MRPL1: variants seen among roughly 807,000 people sequenced by gnomAD.
The protein encoded by MRPL1 is mitochondrial ribosomal protein L1.
In MRPL1, 28 loss-of-function variants were observed where a neutral mutation model predicts 38.0. The ratio of observed to expected loss-of-function variants is 0.74; its 90% CI spans 0.55 to 1.01. The LOEUF (loss-of-function observed/expected upper bound fraction) is 1.01. Ranked by LOEUF, MRPL1 falls within the 50% of genes least tolerant of loss-of-function variation. MRPL1 has a pLI of 0.00. For missense variants in MRPL1, 358 were observed against 389.8 expected (o/e 0.92, Z 0.69); for synonymous variants, 123 against 126.7 (o/e 0.97, Z 0.20).
intron 7 of MRPL1, among the ~76,000 whole-genome samples, chr4:77,934,829 T>A (rs1736928615): frequency 1.3e-5 from 2 of 152,166 alleles, no homozygotes; most frequent in African/African-American, 4.8e-5. Flanking sequence ...ACACATGGAA[T>A]GCAATAGTAT....
intron 6 of MRPL1, among the ~76,000 whole-genome samples, chr4:77,895,055 AG>A (rs1359469257): frequency 3.1e-4 from 47 of 152,154 alleles, no homozygotes; most frequent in Admixed American, 3.0e-3. Flanking sequence ...GATGTTGGAA[AG>A]GTAGATTGAT....
rs1458208422 is a variant in MRPL1, at chr4:77,949,850, A to C, written c.831A>C (p.Glu277Asp). Residue 277 changes from glutamate (E) to aspartate (D), a missense_variant, in exon 8 of 9, where the codon GAA becomes GAC. Glu to Asp is a conservative substitution (Grantham distance 45). Coordinates refer to ENST00000315567, the MANE Select transcript of MRPL1 (RefSeq NM_020236.4). ...CCAATCTGCAAGCAGTTATTAATGA[A>C]GTTTGTAGGCACAGACCGCTGAATT... is the stretch of plus-strand genomic sequence containing the variant. ...IAANLQAVIN[E>D]VCRHRPLNLG... 3.7e-6 allele frequency: 6 copies of C among 1,611,360 alleles called. No individual in the cohort carries two copies. The highest frequency in any genetic ancestry group is 4.2e-6 in the Non-Finnish European group (5 of 1,178,586).
At chr4:77,882,153 A>G (rs1651564222) in intron 2 of MRPL1, among the ~76,000 whole-genome samples, 1 of 152,226 alleles carries the variant, frequency 6.6e-6, no homozygotes, top group Admixed American at 6.5e-5. Context: ...CAAAGCTAAA[A>G]CATTTACTAT....
intron 7 of MRPL1, among the ~76,000 whole-genome samples, chr4:77,917,305 T>C (rs749015312): frequency 2.6e-5 from 4 of 152,098 alleles, no homozygotes; most frequent in Non-Finnish European, 4.4e-5. Flanking sequence ...GTAAATAAAA[T>C]TGACAAGAGC....
chr4:77,863,762 C>G (rs1330262959), intron 1 of MRPL1, among the ~76,000 whole-genome samples: 1 of 152,056 alleles, frequency 6.6e-6, no homozygotes, highest in Non-Finnish European at 1.5e-5. Flanking sequence ...GCACTGCGCC[C>G]GGCCTGTGCA....
intron 7 of MRPL1, among the ~76,000 whole-genome samples, chr4:77,912,348 G>A (rs1736308722): frequency 6.6e-6 from 1 of 152,090 alleles, no homozygotes; most frequent in Non-Finnish European, 1.5e-5. Flanking sequence ...CTAGAACAAC[G>A]AAGTGAGTTA....
chr4:77,887,166 G>T, intron 4 of MRPL1, 54 bp from the exon 5 acceptor site: 2 of 1,327,196 alleles, frequency 1.5e-6, no homozygotes, highest in South Asian at 2.4e-5. Flanking sequence ...CTTCAAAGCA[G>T]ACTGAATATA....
intron 6 of MRPL1, chr4:77,907,261 G>C (rs1736178065): frequency 1.3e-6 from 1 of 762,862 alleles, no homozygotes; most frequent in Non-Finnish European, 1.6e-6. Context: ...TTAAATTTGT[G>C]TTAAAATGAT....
At chr4:77,911,470 T>G (rs1442098456) in intron 7 of MRPL1, among the ~76,000 whole-genome samples, 1 of 151,926 alleles carries the variant, frequency 6.6e-6, no homozygotes, top group African/African-American at 2.4e-5. Context: ...TTTAAAGAGT[T>G]TTTTTTTGAA....
At chr4:77,949,347 T>C (rs1181618058) in intron 7 of MRPL1, among the ~76,000 whole-genome samples, 1 of 152,244 alleles carries the variant, frequency 6.6e-6, no homozygotes, top group African/African-American at 2.4e-5. Flanking sequence ...AAATTGTCTC[T>C]GTGTGAGATA....
intron 2 of MRPL1, among the ~76,000 whole-genome samples, chr4:77,875,552 T>C (rs116070915): frequency 0.012 from 1,819 of 152,054 alleles, 21 homozygotes; most frequent in South Asian, 0.053. Context: ...CTCAGGAGAC[T>C]GAGGCACAAG....
chr4:77,943,749 G>A lies in MRPL1; in HGVS notation c.778-6048G>A, dbSNP rs191727128. Among the ~76,000 whole-genome samples, 468 of 151,808 alleles carry A rather than the reference G, an allele frequency of 3.1e-3. 3 individuals carry two copies. The highest frequency in any genetic ancestry group is 0.011 in the African/African-American group (436 of 41,410). On this transcript the variant is annotated intron_variant, in intron 7 of 8. Transcript: ENST00000315567. ...TGATTATTTTTTATTTATGCTATCT[G>A]GTTCACTGAACATTTTTCCCTTCAT...
At chr4:77,900,108 T>A (rs578045333) in intron 6 of MRPL1, among the ~76,000 whole-genome samples, 3 of 152,242 alleles carry the variant, frequency 2.0e-5, no homozygotes, top group Admixed American at 6.5e-5. Context: ...ACATATGATG[T>A]GTGGGCCACT....
At chr4:77,869,822 C>G (rs1432493831) in intron 1 of MRPL1, among the ~76,000 whole-genome samples, 1 of 152,036 alleles carries the variant, frequency 6.6e-6, no homozygotes, top group Admixed American at 6.6e-5. Context: ...AACTCCTGAC[C>G]TCAGGTGATC....
chr4:77,919,627 T>A (rs1736516302), intron 7 of MRPL1, among the ~76,000 whole-genome samples: 1 of 152,124 alleles, frequency 6.6e-6, no homozygotes, highest in Non-Finnish European at 1.5e-5. Flanking sequence ...TAAAATACGG[T>A]ATATTAGGAC....
intron 7 of MRPL1, among the ~76,000 whole-genome samples, chr4:77,929,753 T>G (rs1736802730): frequency 8.6e-6 from 1 of 115,764 alleles, no homozygotes; most frequent in Admixed American, 9.3e-5. Context: ...TTAGAACCCC[T>G]TTAAAGGGTT....
intron 2 of MRPL1, among the ~76,000 whole-genome samples, chr4:77,880,944 G>A (rs1396387632): frequency 6.6e-6 from 1 of 152,160 alleles, no homozygotes; most frequent in African/African-American, 2.4e-5. Flanking sequence ...TGTAGCCTGG[G>A]GCTCTGTGGA....
chr4:77,870,793 A>G (rs937381012), intron 1 of MRPL1, among the ~76,000 whole-genome samples: 6 of 152,292 alleles, frequency 3.9e-5, no homozygotes, highest in Non-Finnish European at 7.4e-5. Flanking sequence ...TACACACGCA[A>G]AAGAATATAG....
chr4:77,872,220 T>G (rs889732249), intron 2 of MRPL1, among the ~76,000 whole-genome samples: 1 of 152,190 alleles, frequency 6.6e-6, no homozygotes, highest in African/African-American at 2.4e-5. Context: ...GAACCAAAGC[T>G]TTTTCCAGTA....
Sources: gnomAD v4.1 joint callset for allele counts (sites outside exome capture counted in the v4.1 genomes callset) on GRCh38, gnomAD v4.1.1 for gene constraint, MANE v1.5 for transcripts, NCBI Gene and HGNC (gene_info 2026-07-23, HGNC 2026-07-21) for gene names.